MYO9A: variants seen among roughly 807,000 people sequenced by gnomAD.
MYO9A encodes unconventional myosin-IXa.
MYO9A carries 103 observed loss-of-function variants against 293.3 expected under a neutral mutation model. That is an observed-to-expected ratio of 0.35 (90% CI 0.30 to 0.41). MYO9A has a LOEUF of 0.41. Among genes scored for constraint, MYO9A ranks in the 10% least tolerant of loss-of-function variants. The pLI is 1.00. For missense variants in MYO9A, 2,685 were observed against 3,033.0 expected (o/e 0.89, Z 2.69); for synonymous variants, 1,001 against 1,035.7 (o/e 0.97, Z 0.64).
chr15:71,899,588 A>C, intron 24 of MYO9A, 99 bp downstream of exon 24: 3 of 1,080,126 alleles, frequency 2.8e-6, no homozygotes, highest in Non-Finnish European at 4.0e-6. Context: ...AATTGTATAC[A>C]ACCAATTCTA....
chr15:71,953,511 A>G (rs1443346906), intron 14 of MYO9A: 1 of 152,224 alleles, frequency 6.6e-6, no homozygotes, highest in Non-Finnish European at 1.5e-5. Context: ...AAATACACTA[A>G]TTTATTATGT....
intron 9 of MYO9A, among the ~76,000 whole-genome samples, chr15:71,995,320 A>G (rs1018346994): frequency 1.3e-5 from 2 of 152,206 alleles, no homozygotes; most frequent in African/African-American, 4.8e-5. Flanking sequence ...AACATACACT[A>G]ATACAACCAC....
chr15:72,054,325 C>A (rs2078655842), intron 1 of MYO9A, among the ~76,000 whole-genome samples: 1 of 152,120 alleles, frequency 6.6e-6, no homozygotes, highest in South Asian at 2.1e-4. Flanking sequence ...AAGGAGGAAG[C>A]CACAGAGTGG....
chr15:71,964,327 C>T (rs2075817047), intron 13 of MYO9A, among the ~76,000 whole-genome samples: 1 of 151,952 alleles, frequency 6.6e-6, no homozygotes, highest in Non-Finnish European at 1.5e-5. Context: ...TTTCTCTTTT[C>T]CTAGTTTCTC....
In MYO9A at chr15:72,094,678, T is replaced by C. The variant is rs1189076669; in HGVS notation, c.-72+23002A>G. Among the ~76,000 whole-genome samples, 2 of 91,342 alleles carry C rather than the reference T, an allele frequency of 2.2e-5. 1 individual carries two copies. The highest frequency in any genetic ancestry group is 5.2e-5 in the African/African-American group (2 of 38,660). The allele number at this position is 91,342 out of a possible 152,430, so 59.9% of individuals were successfully genotyped here. The stretch of plus-strand genomic sequence containing the variant: ...ACAAGTGCATGCCACCCTGCCCAGC[T>C]TATTTTTTAAGTTTTTGTACAGATG... On this transcript the variant is annotated intron_variant, in intron 1 of 41. Transcript: ENST00000356056.
intron 6 of MYO9A, among the ~76,000 whole-genome samples, chr15:72,016,540 T>A (rs1025929410): frequency 6.6e-6 from 1 of 152,116 alleles, no homozygotes; most frequent in Non-Finnish European, 1.5e-5. Flanking sequence ...CCTCAAACAA[T>A]CCTCTCTACC....
chr15:71,894,644 G>C (rs2057272748), intron 25 of MYO9A, among the ~76,000 whole-genome samples: 1 of 152,090 alleles, frequency 6.6e-6, no homozygotes, highest in Non-Finnish European at 1.5e-5. Context: ...CACTGGCAGG[G>C]TAAGAAATTG....
chr15:71,875,874 T>G (rs1055193559), intron 31 of MYO9A, 36 bp from the exon 32 acceptor site: 21 of 1,119,682 alleles, frequency 1.9e-5, no homozygotes, highest in Non-Finnish European at 2.3e-5. Flanking sequence ...GAAATTGTGA[T>G]AACAAAGACT....
intron 2 of MYO9A, among the ~76,000 whole-genome samples, chr15:72,035,445 T>A (rs2078014835): frequency 6.6e-6 from 1 of 152,086 alleles, no homozygotes; most frequent in African/African-American, 2.4e-5. Flanking sequence ...ACAAGCAAAA[T>A]AAACAACTGC....
Position 72,095,251 on chromosome 15 carries a change from G to A in MYO9A, c.-72+22429C>T, listed in dbSNP as rs575873118. ...AGGAAATTAAAAGTGCTACTCCAGC[G>A]AACACACAAATAAGATAGCAAAACC... On this transcript the variant is annotated intron_variant, in intron 1 of 41. Transcript: ENST00000356056. 2.8e-4 allele frequency among the ~76,000 whole-genome samples: 26 copies of A among 92,842 alleles called. 6 individuals are homozygous for A. The highest frequency in any genetic ancestry group is 6.6e-4 in the African/African-American group (26 of 39,184). The allele number at this position is 92,842 out of a possible 152,430, so 60.9% of individuals were successfully genotyped here. A position where few individuals can be genotyped will look rare whatever the true frequency, so the allele number is the denominator to read the frequency against.
At chr15:71,870,370 G>A (rs2056469887) in intron 32 of MYO9A, among the ~76,000 whole-genome samples, 1 of 152,092 alleles carries the variant, frequency 6.6e-6, no homozygotes, top group Non-Finnish European at 1.5e-5. Context: ...GATATATTTA[G>A]GGAATAGTAA....
At chr15:71,993,888 T>G (rs2076615361) in intron 10 of MYO9A, 2 of 147,546 alleles carry the variant, frequency 1.4e-5, no homozygotes, top group African/African-American at 5.0e-5. Context: ...GAGAATCGCT[T>G]GAACCGGAGG....
chr15:72,030,394 G>A (rs552444451), intron 3 of MYO9A, among the ~76,000 whole-genome samples: 21 of 152,160 alleles, frequency 1.4e-4, no homozygotes, highest in African/African-American at 5.1e-4. Flanking sequence ...TTCAACTACA[G>A]TAGCCCCCTT....
At chr15:72,106,826 T>C (rs10083583) in intron 1 of MYO9A, among the ~76,000 whole-genome samples, 3,465 of 152,262 alleles carry the variant, frequency 0.023, 127 homozygotes, top group African/African-American at 0.081. Flanking sequence ...CCTAACTGCA[T>C]ATTAAACTGG....
chr15:72,111,688 G>A (rs966858075), intron 1 of MYO9A, among the ~76,000 whole-genome samples: 9 of 149,812 alleles, frequency 6.0e-5, no homozygotes, highest in East Asian at 2.0e-4. Context: ...CCAGCCTGGA[G>A]TACAATGGCA....
intron 1 of MYO9A, among the ~76,000 whole-genome samples, chr15:72,112,957 C>A (rs2080834651): frequency 6.6e-6 from 1 of 152,118 alleles, no homozygotes; most frequent in Non-Finnish European, 1.5e-5. Context: ...TTAGGCTGGG[C>A]ACAGTGGCTC....
In MYO9A at chr15:71,864,070, T is replaced by A. The variant is rs867121783; in HGVS notation, c.5980-1459A>T. 7.2e-5 allele frequency among the ~76,000 whole-genome samples: 11 copies of A among 152,278 alleles called. No individual in the cohort carries two copies. In the Middle Eastern group the frequency reaches 0.01, roughly 141 times the overall value. ...GGAGAAAACATTTGCAAATCATATA[T>A]CTGATAAATGACTTCTAGTCATTAT... On this transcript the variant is annotated intron_variant, in intron 32 of 41. Coordinates refer to ENST00000356056, the MANE Select transcript of MYO9A (RefSeq NM_006901.4).
chr15:72,089,705 C>A (rs2079847187), intron 1 of MYO9A, among the ~76,000 whole-genome samples: 1 of 152,028 alleles, frequency 6.6e-6, no homozygotes, highest in Non-Finnish European at 1.5e-5. Context: ...AGCTCGAGCC[C>A]CAAAAGTAAA....
chr15:71,836,620 T>TA (rs1567181776), intron 39 of MYO9A, among the ~76,000 whole-genome samples: 1 of 152,068 alleles, frequency 6.6e-6, no homozygotes, highest in African/African-American at 2.4e-5. Flanking sequence ...CATACACTGA[T>TA]AAACTATACA....
Sources: allele counts gnomAD v4.1 joint callset (sites outside exome capture counted in the v4.1 genomes callset), GRCh38; gene constraint gnomAD v4.1.1; transcripts MANE v1.5; gene names NCBI Gene and HGNC (gene_info 2026-07-23, HGNC 2026-07-21).